MICAL2: variants seen among roughly 807,000 people sequenced by gnomAD.
MICAL2 encodes the protein [F-actin]-monooxygenase MICAL2.
A neutral mutation model predicts 127.3 loss-of-function variants in MICAL2; 77 were observed. The ratio of observed to expected loss-of-function variants is 0.60; its 90% CI spans 0.50 to 0.73. MICAL2 has a LOEUF of 0.73. Ranked by LOEUF, MICAL2 falls within the 30% of genes least tolerant of loss-of-function variation. The pLI, the probability that MICAL2 is intolerant of heterozygous loss-of-function variation, is 0.00. For synonymous variants in MICAL2, 570 were observed against 551.1 expected (o/e 1.03, Z -0.48); for missense variants, 1,351 against 1,434.4 (o/e 0.94, Z 0.94).
At chr11:12,265,280 G>T (rs146975005), downstream of MICAL2, among the ~76,000 whole-genome samples, 4 of 152,168 alleles carry the variant, frequency 2.6e-5, no homozygotes, top group African/African-American at 7.2e-5. Context: ...TTTTTGTTTT[G>T]GTTTGCTTTT....
chr11:12,194,332 C>T (rs191982613), intron 3 of MICAL2, among the ~76,000 whole-genome samples: 6 of 152,160 alleles, frequency 3.9e-5, no homozygotes, highest in Non-Finnish European at 5.9e-5. Context: ...GATGGATGTT[C>T]GTTGTTGTGA....
intron 1 of MICAL2, among the ~76,000 whole-genome samples, chr11:12,134,689 C>G (rs986640509): frequency 3.9e-5 from 6 of 152,162 alleles, no homozygotes; most frequent in African/African-American, 1.4e-4. Context: ...AGAAACCAAA[C>G]TTGAATGAGC....
At chr11:12,223,381 G>T in intron 11 of MICAL2, 30 bp from the exon 12 acceptor site, 1 of 1,590,994 alleles carries the variant, frequency 6.3e-7, no homozygotes, top group South Asian at 1.1e-5. Flanking sequence ...GGGGAAAACT[G>T]GTGGGCAAGC....
chr11:12,225,058 C>T (rs1022198314), intron 13 of MICAL2, among the ~76,000 whole-genome samples: 1 of 151,646 alleles, frequency 6.6e-6, no homozygotes, highest in Admixed American at 6.6e-5. Flanking sequence ...CTCTTGACAC[C>T]TCACCCCCCA....
intron 3 of MICAL2, among the ~76,000 whole-genome samples, chr11:12,164,325 A>T (rs1855212196): frequency 6.6e-6 from 1 of 152,198 alleles, no homozygotes; most frequent in Admixed American, 6.5e-5. Flanking sequence ...AAGACATTTC[A>T]CATGTGAGAT....
chr11:12,296,070 T>A (rs1040692324), downstream of MICAL2, among the ~76,000 whole-genome samples: 2 of 152,024 alleles, frequency 1.3e-5, no homozygotes, highest in Admixed American at 1.3e-4. Context: ...TATGGAAATA[T>A]CTAATAAAAA....
At chr11:12,277,931 TG>T (rs1565291141) in intron 1 of MICAL2, among the ~76,000 whole-genome samples, 1 of 152,334 alleles carries the variant, frequency 6.6e-6, no homozygotes, top group South Asian at 2.1e-4. Context: ...TATCAGCAAT[TG>T]TAACACAATG....
chr11:12,331,591 A>G (rs1864429319), intron 32 of MICAL2, among the ~76,000 whole-genome samples: 1 of 152,202 alleles, frequency 6.6e-6, no homozygotes, highest in South Asian at 2.1e-4. Flanking sequence ...CCGAGGAATA[A>G]AAATTCCTGG....
intron 26 of MICAL2, chr11:12,261,564 G>C: frequency 1.0e-6 from 1 of 985,450 alleles, no homozygotes; most frequent in African/African-American, 1.7e-5. Flanking sequence ...GGAGTTGCTG[G>C]GCCCAAGATA....
chr11:12,222,934 A>G (rs781664846), intron 11 of MICAL2, among the ~76,000 whole-genome samples, 191 bp downstream of exon 11: 11 of 152,250 alleles, frequency 7.2e-5, no homozygotes, highest in Non-Finnish European at 1.6e-4. Context: ...GGACAGAACT[A>G]GAACACATGT....
chr11:12,271,415 C>T (rs1863674749), upstream of MICAL2, among the ~76,000 whole-genome samples: 1 of 152,186 alleles, frequency 6.6e-6, no homozygotes, highest in African/African-American at 2.4e-5. Context: ...CCTGGCTCTT[C>T]ACCTGGGGCT....
At chr11:12,129,230 C>G (rs936131709) in intron 1 of MICAL2, among the ~76,000 whole-genome samples, 2 of 152,152 alleles carry the variant, frequency 1.3e-5, no homozygotes, top group Non-Finnish European at 2.9e-5. Context: ...TTTCTTTTAC[C>G]CTTCAAGCCA....
chr11:12,256,758 C>T (rs540148001), intron 23 of MICAL2, 27 bp from the exon 24 acceptor site: 41 of 1,581,410 alleles, frequency 2.6e-5, no homozygotes, highest in African/African-American at 1.3e-4. Context: ...AGCCATAATA[C>T]ACCCACTCTT....
At chr11:12,239,700 G>A (rs1859598674) in intron 17 of MICAL2, 115 bp downstream of exon 17, 6 of 1,264,292 alleles carry the variant, frequency 4.7e-6, no homozygotes, top group Non-Finnish European at 5.4e-6. Flanking sequence ...AAGGAGACTT[G>A]AGCTCCTTCT....
At chr11:12,293,233 C>A (rs1343908756), downstream of MICAL2, among the ~76,000 whole-genome samples, 1 of 152,122 alleles carries the variant, frequency 6.6e-6, no homozygotes, top group Non-Finnish European at 1.5e-5. Context: ...CCCAGCCAGT[C>A]CTACCATCAT....
At chr11:12,352,706 A>C (rs749127359) in intron 33 of MICAL2, among the ~76,000 whole-genome samples, 2 of 152,206 alleles carry the variant, frequency 1.3e-5, no homozygotes, top group Non-Finnish European at 2.9e-5. Flanking sequence ...CAAGAGGTCT[A>C]TTGGGGAAAA....
chr11:12,358,602 T>A (rs1939164724), downstream of MICAL2: 2 of 923,724 alleles, frequency 2.2e-6, no homozygotes. Flanking sequence ...CCTTACTGCA[T>A]TTTTTAAAAT....
chr11:12,228,971 C>G (rs962037919), intron 15 of MICAL2, among the ~76,000 whole-genome samples: 1 of 152,150 alleles, frequency 6.6e-6, no homozygotes, highest in Non-Finnish European at 1.5e-5. Flanking sequence ...CTTGCCTGCC[C>G]TCTCCAGGAT....
intron 2 of MICAL2, among the ~76,000 whole-genome samples, chr11:12,145,676 A>G (rs950530289): frequency 1.3e-5 from 2 of 152,198 alleles, no homozygotes; most frequent in African/African-American, 4.8e-5. Context: ...GTAGGCTTCG[A>G]ATAGCCATTA....
Sources: gnomAD v4.1 joint callset for allele counts (sites outside exome capture counted in the v4.1 genomes callset) on GRCh38, gnomAD v4.1.1 for gene constraint, MANE v1.5 for transcripts, NCBI Gene and HGNC (gene_info 2026-07-23, HGNC 2026-07-21) for gene names.